Variants in ABCD3 observed in about 807,000 individuals in gnomAD.
ABCD3 encodes ATP-binding cassette sub-family D member 3.
Under a neutral mutation model 105.5 loss-of-function variants are expected in ABCD3, and 41 were observed. That is an observed-to-expected ratio of 0.39 (90% CI 0.30 to 0.50). The LOEUF is 0.50. ABCD3 is among the 20% of genes least tolerant of loss of function. The pLI, the probability that ABCD3 is intolerant of heterozygous loss-of-function variation, is 0.84. For synonymous variants in ABCD3, 258 were observed against 269.0 expected (o/e 0.96, Z 0.40); for missense variants, 622 against 806.3 (o/e 0.77, Z 2.77).
chr1:94,453,553 C>T (rs1349292632), intron 1 of ABCD3, among the ~76,000 whole-genome samples: 8 of 151,912 alleles, frequency 5.3e-5, no homozygotes, highest in African/African-American at 1.7e-4. Flanking sequence ...CTCCTGACCT[C>T]GTGATCCGCC....
At chr1:94,487,819 G>T (rs1649344843) in intron 12 of ABCD3, 28 bp downstream of exon 12, 3 of 1,611,872 alleles carry the variant, frequency 1.9e-6, no homozygotes, top group Non-Finnish European at 2.5e-6. Context: ...CAATGAAAAT[G>T]TAACAGTAAA....
chr1:94,415,935 G>C (rs1053384883), upstream of ABCD3, among the ~76,000 whole-genome samples: 8 of 152,154 alleles, frequency 5.3e-5, no homozygotes, highest in Admixed American at 5.2e-4. Context: ...ATGGGTTCCA[G>C]ATTTGGTCCT....
At position 94,498,827 on chromosome 1, in the gene ABCD3, A is replaced by G; in HGVS notation, c.1509A>G (p.Gly503=). ...GACGTCTAACTAAACCTGAAAGAGG[A>G]AAATTATTTTATGTTCCTCAGGTAA... is the stretch of plus-strand genomic sequence containing the variant. The part of the protein sequence containing the change: ...FGGRLTKPER[G]KLFYVPQRPY... Residue 503 remains glycine (G), a synonymous_variant, in exon 18 of 23, where the codon GGA becomes GGG. Transcript: ENST00000370214. The G allele has an allele frequency of 6.2e-7, 1 of 1,613,850 alleles. No homozygotes were observed. Among genetic ancestry groups the G allele is most frequent in the Non-Finnish European group, 8.5e-7 (1 of 1,179,874 alleles).
intron 7 of ABCD3, among the ~76,000 whole-genome samples, chr1:94,477,246 A>G (rs2101000271): frequency 6.6e-6 from 1 of 150,442 alleles, no homozygotes; most frequent in African/African-American, 2.4e-5. Context: ...AAAAAAAAAA[A>G]AAAAAAAAAG....
chr1:94,509,509 A>C (rs1253509474), intron 21 of ABCD3, among the ~76,000 whole-genome samples: 1 of 152,128 alleles, frequency 6.6e-6, no homozygotes, highest in Non-Finnish European at 1.5e-5. Flanking sequence ...TCATGAAATG[A>C]GTTAGGGAGG....
intron 2 of ABCD3, among the ~76,000 whole-genome samples, chr1:94,460,634 A>T (rs1030409740): frequency 6.6e-6 from 1 of 152,152 alleles, no homozygotes; most frequent in Non-Finnish European, 1.5e-5. Context: ...ACAATTTAAC[A>T]TGACGTACTT....
intron 2 of ABCD3, among the ~76,000 whole-genome samples, chr1:94,464,389 C>CT (rs1380845534): frequency 1.3e-5 from 2 of 151,694 alleles, no homozygotes; most frequent in Non-Finnish European, 2.9e-5. Context: ...AACCCTTGAC[C>CT]TTTTTTCAGC....
At chr1:94,449,714 A>C (rs947321823) in intron 1 of ABCD3, among the ~76,000 whole-genome samples, 4 of 152,150 alleles carry the variant, frequency 2.6e-5, no homozygotes, top group Admixed American at 2.0e-4. Flanking sequence ...ATCATTATTG[A>C]TTGGTCCCCT....
At chr1:94,402,357 C>T in the ABCD3 span, among the ~76,000 whole-genome samples, 641 of 152,232 alleles carry the variant, frequency 4.2e-3, 5 homozygotes, top group African/African-American at 0.015. Context: ...ATGGCACAAA[C>T]ACTCATGTGC....
intron 8 of ABCD3, among the ~76,000 whole-genome samples, chr1:94,479,393 T>C (rs1648924665): frequency 6.6e-6 from 1 of 152,168 alleles, no homozygotes; most frequent in Non-Finnish European, 1.5e-5. Flanking sequence ...GGTCCACATT[T>C]GTAGTAGTTG....
chr1:94,478,523 G>C (rs1348107890), intron 8 of ABCD3: 1 of 1,587,252 alleles, frequency 6.3e-7, no homozygotes, highest in Non-Finnish European at 8.6e-7. Context: ...CCTTAAATTA[G>C]GTACTTGGAA....
chr1:94,489,297 C>T (rs1230503891), intron 13 of ABCD3, among the ~76,000 whole-genome samples: 4 of 152,184 alleles, frequency 2.6e-5, no homozygotes, highest in Non-Finnish European at 5.9e-5. Context: ...ATGCATTCGG[C>T]ATACATTTAA....
intron 10 of ABCD3, among the ~76,000 whole-genome samples, chr1:94,486,092 T>C (rs957499376): frequency 4.6e-5 from 7 of 151,964 alleles, no homozygotes; most frequent in African/African-American, 1.7e-4. Flanking sequence ...CTCGGGAGGC[T>C]GAGGCAGGAG....
intron 10 of ABCD3, among the ~76,000 whole-genome samples, chr1:94,486,944 G>A (rs924110512): frequency 6.6e-6 from 1 of 152,172 alleles, no homozygotes; most frequent in African/African-American, 2.4e-5. Flanking sequence ...CTGGTAGATG[G>A]ACAGTTTGAG....
chr1:94,457,089 T>G (rs989971029), intron 1 of ABCD3, among the ~76,000 whole-genome samples: 1 of 152,174 alleles, frequency 6.6e-6, no homozygotes, highest in Non-Finnish European at 1.5e-5. Flanking sequence ...TTTTTAAAAT[T>G]GGATTGTTGT....
chr1:94,469,717 G>A (rs1648357875), intron 4 of ABCD3, among the ~76,000 whole-genome samples: 1 of 134,036 alleles, frequency 7.5e-6, no homozygotes, highest in Non-Finnish European at 1.6e-5. Flanking sequence ...CCAGGCTGGA[G>A]TGCAGCGGCG....
Position 94,421,780 on chromosome 1 carries a change from G to T in ABCD3, c.110+3192G>T, listed in dbSNP as rs141913832. 1.7e-4 allele frequency among the ~76,000 whole-genome samples: 26 copies of T among 152,188 alleles called. 1 individual carries two copies. In the East Asian group the frequency reaches 4.3e-3, roughly 25 times the overall value. ...AAGGATGTGTGTTAAGCCTAGAAAG[G>T]GGGTAGGAGTGGATAACTGGAATAA... is the stretch of plus-strand genomic sequence containing the variant. On this transcript the variant is annotated intron_variant, in intron 1 of 22. Transcript: ENST00000370214.
intron 20 of ABCD3, among the ~76,000 whole-genome samples, chr1:94,504,191 G>T (rs1473914772): frequency 1.3e-5 from 2 of 151,794 alleles, no homozygotes; most frequent in African/African-American, 4.8e-5. Flanking sequence ...GATTACAGGC[G>T]TGAGCTGCTG....
At chr1:94,390,907 C>A in the ABCD3 span, among the ~76,000 whole-genome samples, 1 of 152,182 alleles carries the variant, frequency 6.6e-6, no homozygotes, top group Non-Finnish European at 1.5e-5. Context: ...TTCTCTATGC[C>A]CCCATTCTAA....
Sources: gnomAD v4.1 joint callset for allele counts (sites outside exome capture counted in the v4.1 genomes callset) on GRCh38, gnomAD v4.1.1 for gene constraint, MANE v1.5 for transcripts, NCBI Gene and HGNC (gene_info 2026-07-23, HGNC 2026-07-21) for gene names.